RNF34: variants seen among roughly 807,000 people sequenced by gnomAD.
The protein encoded by RNF34 is E3 ubiquitin-protein ligase RNF34.
In RNF34, 12 loss-of-function variants were observed where a neutral mutation model predicts 37.9. The ratio of observed to expected loss-of-function variants is 0.32; its 90% CI spans 0.20 to 0.51. The LOEUF (loss-of-function observed/expected upper bound fraction) is 0.51. Ranked by LOEUF, RNF34 falls within the 20% of genes least tolerant of loss-of-function variation. The pLI is 0.97. For synonymous variants in RNF34, 155 were observed against 177.2 expected, an observed-to-expected ratio of 0.87 and a Z score of 1.00; for missense variants, 362 against 472.7, an observed-to-expected ratio of 0.77 and a Z score of 2.17.
chr12:121,407,805 T>G (rs1870688911), intron 1 of RNF34, among the ~76,000 whole-genome samples: 1 of 152,218 alleles, frequency 6.6e-6, no homozygotes, highest in Non-Finnish European at 1.5e-5. Context: ...GGGATCCTTG[T>G]TGGTTATGAC....
intron 5 of RNF34, among the ~76,000 whole-genome samples, chr12:121,421,387 A>AT (rs1566236113): frequency 6.7e-6 from 1 of 150,060 alleles, no homozygotes; most frequent in South Asian, 2.1e-4. Flanking sequence ...AAAAAAAAAA[A>AT]AAAAAAAAAA....
At chr12:121,411,595 G>T (rs1871067351) in intron 1 of RNF34, among the ~76,000 whole-genome samples, 1 of 152,010 alleles carries the variant, frequency 6.6e-6, no homozygotes, top group Non-Finnish European at 1.5e-5. Flanking sequence ...TGAGATTTTT[G>T]GTTTTCTTTA....
chr12:121,411,661 A>C (rs1275149597), intron 1 of RNF34, among the ~76,000 whole-genome samples: 2 of 152,188 alleles, frequency 1.3e-5, no homozygotes, highest in African/African-American at 4.8e-5. Context: ...ATAATGTTAC[A>C]TTGTCTGTGA....
intron 5 of RNF34, among the ~76,000 whole-genome samples, chr12:121,421,096 A>G (rs1156785959): frequency 6.6e-6 from 1 of 152,136 alleles, no homozygotes; most frequent in African/African-American, 2.4e-5. Flanking sequence ...TTTTCTCACT[A>G]ATGCCTTTGG....
At chr12:121,402,868 G>A (rs1870132426) in intron 1 of RNF34, 1 of 1,231,986 alleles carries the variant, frequency 8.1e-7, no homozygotes, top group South Asian at 1.2e-5. Context: ...CCAATGTCTT[G>A]TCTAAAAGTA....
In RNF34 at chr12:121,412,760, T is replaced by C. The variant is rs1871205991; in HGVS notation, c.7-3399T>C. 2.0e-5 allele frequency among the ~76,000 whole-genome samples: 3 copies of C among 148,636 alleles called. No individual in the cohort carries two copies. In the South Asian group the frequency reaches 6.5e-4, roughly 32 times the overall value. The stretch of plus-strand genomic sequence containing the variant: ...TTTTTTTTGAGATGGAGTCTCGCTG[T>C]GTCACCCAGGCTGGAGTGCAGTGGC... On this transcript the variant is annotated intron_variant, in intron 1 of 5. Transcript: ENST00000361234.
At position 121,417,249 on chromosome 12, in the gene RNF34, G is replaced by C. The variant is rs1472672664; in HGVS notation, c.226-255G>C. Reference sequence around the variant, plus strand: ...ACATGTTTATACCAAGGGGTGGAAAGGTTTTAATTCATTAACACAAGAGTG... The same window carrying C: ...ACATGTTTATACCAAGGGGTGGAAACGTTTTAATTCATTAACACAAGAGTG... On this transcript the variant is annotated intron_variant, in intron 2 of 5. Coordinates refer to ENST00000361234, the MANE Select transcript of RNF34 (RefSeq NM_025126.4). This position sits in a 1 kb window ranked among gnomAD's most constrained non-coding sequence, Gnocchi z 5.0. 6.6e-6 allele frequency among the ~76,000 whole-genome samples: 1 copy of C among 152,174 alleles called. No individual in the cohort carries two copies. Among genetic ancestry groups the C allele is most frequent in the African/African-American group, 2.4e-5 (1 of 41,438 alleles).
intron 1 of RNF34, among the ~76,000 whole-genome samples, chr12:121,403,071 C>A (rs370203859): frequency 6.6e-6 from 1 of 152,118 alleles, no homozygotes; most frequent in African/African-American, 2.4e-5. Flanking sequence ...CTTTCACATT[C>A]TAAGGAGCAT....
At chr12:121,404,287 T>C (rs1046171392) in intron 1 of RNF34, among the ~76,000 whole-genome samples, 2 of 151,734 alleles carry the variant, frequency 1.3e-5, no homozygotes, top group Non-Finnish European at 2.9e-5. Flanking sequence ...GATTACAGGC[T>C]TGAGCCATGG....
At chr12:121,407,009 C>T (rs1327000552) in intron 1 of RNF34, among the ~76,000 whole-genome samples, 2 of 152,086 alleles carry the variant, frequency 1.3e-5, no homozygotes, top group Admixed American at 6.6e-5. Flanking sequence ...CAGTTGGTCC[C>T]GCCAGCAGGT....
intron 1 of RNF34, among the ~76,000 whole-genome samples, chr12:121,411,985 A>C (rs1555281410): frequency 2.6e-5 from 4 of 152,236 alleles, no homozygotes. Flanking sequence ...TTTTTAGAAC[A>C]AAGTTTTTCC....
At position 121,401,946 on chromosome 12, in the gene RNF34, C is replaced by T. The variant is rs933669305; in HGVS notation, c.6+1728C>T. On this transcript the variant is annotated intron_variant, in intron 1 of 5. Coordinates refer to ENST00000361234, the MANE Select transcript of RNF34 (RefSeq NM_025126.4). ...TTTTGTTTTTGTGAAACTGGATTTA[C>T]ACCATTGAGGATTTGGGCTGTTAAA... Among the ~76,000 whole-genome samples the T allele has an allele frequency of 7.9e-5, 12 of 152,266 alleles. No individual in the cohort carries two copies. The East Asian group carries it at 2.3e-3, about 29-fold the overall frequency.
intron 1 of RNF34, among the ~76,000 whole-genome samples, chr12:121,400,671 AG>A (rs1192725863): frequency 1.4e-4 from 22 of 152,144 alleles, no homozygotes; most frequent in African/African-American, 5.3e-4. Flanking sequence ...TGGTGAGGCT[AG>A]GGCCAGGCTA....
intron 1 of RNF34, among the ~76,000 whole-genome samples, chr12:121,401,592 T>C (rs564166371): frequency 2.0e-5 from 3 of 152,300 alleles, no homozygotes; most frequent in Middle Eastern, 3.4e-3. Context: ...CACCCTCTGC[T>C]GTGTTAAGAT....
intron 1 of RNF34, among the ~76,000 whole-genome samples, chr12:121,415,672 T>G (rs959404442): frequency 1.2e-4 from 18 of 152,054 alleles, no homozygotes; most frequent in Admixed American, 4.6e-4. Flanking sequence ...TGTTAAATAA[T>G]AGCTGAGAAA....
chr12:121,406,235 G>A (rs1472082583), intron 1 of RNF34, among the ~76,000 whole-genome samples: 1 of 150,998 alleles, frequency 6.6e-6, no homozygotes, highest in Non-Finnish European at 1.5e-5. Context: ...GGTGTCTGAG[G>A]CAGTCCAGGC....
intron 1 of RNF34, among the ~76,000 whole-genome samples, chr12:121,405,745 A>G (rs1870465971): frequency 6.6e-6 from 1 of 150,846 alleles, no homozygotes; most frequent in Non-Finnish European, 1.5e-5. Context: ...CGGCCTCCCA[A>G]AGTGCTGGGA....
chr12:121,415,913 C>A (rs531521434), intron 1 of RNF34, among the ~76,000 whole-genome samples: 31 of 108,356 alleles, frequency 2.9e-4, no homozygotes, highest in African/African-American at 1.1e-3. Context: ...GTTTTTTGTT[C>A]TGTAAAATTT....
intron 1 of RNF34, among the ~76,000 whole-genome samples, chr12:121,412,230 CTTTTTTTTTT>C (rs560473770): frequency 6.0e-5 from 3 of 49,610 alleles, no homozygotes; most frequent in Non-Finnish European, 1.1e-4. Context: ...CCCAACTAAT[CTTTTTTTTTT>C]TTTTTTTTTT....
Sources: gnomAD v4.1 joint callset for allele counts (sites outside exome capture counted in the v4.1 genomes callset) on GRCh38, gnomAD v4.1.1 for gene constraint, Gnocchi (gnomAD v3.1) non-coding constraint, MANE v1.5 for transcripts, NCBI Gene and HGNC (gene_info 2026-07-23, HGNC 2026-07-21) for gene names.